The following XKR6 variants were observed in gnomAD, a reference collection of about 807,000 sequenced individuals.
XKR6 encodes XK-related protein 6.
In XKR6, 22 loss-of-function variants were observed where a neutral mutation model predicts 56.7. The observed-to-expected ratio is 0.39, with a 90% confidence interval of 0.28 to 0.55. The LOEUF is 0.55. XKR6 is among the 20% of genes least tolerant of loss of function. The pLI, the probability that XKR6 is intolerant of heterozygous loss-of-function variation, is 0.66. For synonymous variants in XKR6, 524 were observed against 387.8 expected (o/e 1.35, Z -4.13); for missense variants, 852 against 889.0 (o/e 0.96, Z 0.53).
At chr8:11,099,051 C>T (rs1455608517) in intron 1 of XKR6, among the ~76,000 whole-genome samples, 1 of 152,174 alleles carries the variant, frequency 6.6e-6, no homozygotes, top group Admixed American at 6.5e-5. Context: ...GCACCCTCAA[C>T]GCCCCACCAG....
intron 1 of XKR6, among the ~76,000 whole-genome samples, chr8:11,008,739 C>T (rs540818397): frequency 2.0e-5 from 3 of 152,020 alleles, no homozygotes; most frequent in Non-Finnish European, 4.4e-5. Flanking sequence ...AAGGGTTCAC[C>T]GGTGGACACA....
intron 2 of XKR6, among the ~76,000 whole-genome samples, chr8:10,910,237 C>T (rs976130630): frequency 1.3e-5 from 2 of 152,042 alleles, no homozygotes; most frequent in East Asian, 1.9e-4. Context: ...AATATAATCG[C>T]GCTGAGGTTG....
intron 1 of XKR6, among the ~76,000 whole-genome samples, chr8:11,194,209 C>G (rs1356631215): frequency 1.3e-5 from 2 of 152,116 alleles, no homozygotes; most frequent in Non-Finnish European, 2.9e-5. Flanking sequence ...GCATAATGAA[C>G]TTTTTTACAC....
chr8:10,972,658 G>C lies in XKR6; in HGVS notation c.765-47828C>G, dbSNP rs76657585. On this transcript the variant is annotated intron_variant, in intron 1 of 2. Coordinates refer to ENST00000416569, the MANE Select transcript of XKR6 (RefSeq NM_173683.4). ...TCCCACTTATGTGAGCTATTCAGAG[G>C]AGTCACATTCACAGACAAAGTAGAA... is the stretch of plus-strand genomic sequence containing the variant. Among the ~76,000 whole-genome samples, 6 of 152,306 alleles carry C rather than the reference G, an allele frequency of 3.9e-5. No individual in the cohort carries two copies. In the East Asian group the frequency reaches 1.2e-3, roughly 29 times the overall value.
chr8:10,985,874 G>A (rs962908164), intron 1 of XKR6, among the ~76,000 whole-genome samples: 2 of 152,150 alleles, frequency 1.3e-5, no homozygotes, highest in African/African-American at 4.8e-5. Flanking sequence ...CCAGAGCGCT[G>A]GGATTACAGG....
chr8:11,002,426 C>T (rs1050806663), intron 1 of XKR6: 7 of 409,848 alleles, frequency 1.7e-5, no homozygotes, highest in African/African-American at 1.3e-4. Flanking sequence ...CCGCGTGCAG[C>T]AGTACACAGT....
chr8:11,135,993 A>T (rs1359478082), intron 1 of XKR6, among the ~76,000 whole-genome samples: 1 of 152,232 alleles, frequency 6.6e-6, no homozygotes, highest in African/African-American at 2.4e-5. Flanking sequence ...TGTTTCAACA[A>T]TTCTAAGAGG....
intron 1 of XKR6, among the ~76,000 whole-genome samples, chr8:11,190,366 G>A (rs1003474476): frequency 4.6e-5 from 7 of 152,156 alleles, no homozygotes; most frequent in South Asian, 2.1e-4. Context: ...GGTCAACAGA[G>A]AACCAACATA....
At chr8:11,013,438 G>A (rs1414973027) in intron 1 of XKR6, among the ~76,000 whole-genome samples, 1 of 152,178 alleles carries the variant, frequency 6.6e-6, no homozygotes, top group East Asian at 1.9e-4. Context: ...ATGTTTATTT[G>A]AGATATGTGT....
At chr8:11,028,489 A>G (rs1270469880) in intron 1 of XKR6, among the ~76,000 whole-genome samples, 1 of 152,224 alleles carries the variant, frequency 6.6e-6, no homozygotes. Context: ...TGGATTGTAT[A>G]AGACTATGTT....
intron 1 of XKR6, chr8:11,066,725 G>A (rs1354032612): frequency 6.6e-6 from 1 of 152,180 alleles, no homozygotes; most frequent in Non-Finnish European, 1.5e-5. Flanking sequence ...CAATCATTGT[G>A]GCCATTTTCT....
intron 1 of XKR6, among the ~76,000 whole-genome samples, chr8:10,976,564 C>A (rs571307388): frequency 6.6e-6 from 1 of 152,294 alleles, no homozygotes; most frequent in African/African-American, 2.4e-5. Context: ...CACATGGTTA[C>A]CAGGTGTCTG....
chr8:10,975,175 A>C (rs1802516326), intron 1 of XKR6, among the ~76,000 whole-genome samples: 1 of 152,126 alleles, frequency 6.6e-6, no homozygotes. Flanking sequence ...TGCTGATAGC[A>C]ATGGGGAACC....
intron 1 of XKR6, among the ~76,000 whole-genome samples, chr8:10,989,321 CTG>C (rs1797935253): frequency 6.6e-6 from 1 of 152,202 alleles, no homozygotes; most frequent in South Asian, 2.1e-4. Context: ...GTTGAATTGT[CTG>C]TAAGAAAACA....
chr8:11,178,159 T>C (rs764276934), intron 1 of XKR6, among the ~76,000 whole-genome samples: 22 of 152,144 alleles, frequency 1.4e-4, no homozygotes, highest in Non-Finnish European at 2.8e-4. Flanking sequence ...TAATGAAAAC[T>C]ACTAAGCGTA....
intron 2 of XKR6, among the ~76,000 whole-genome samples, chr8:10,915,830 C>G (rs1022531081): frequency 1.3e-5 from 2 of 152,222 alleles, no homozygotes; most frequent in African/African-American, 4.8e-5. Context: ...AGCCCATGTT[C>G]TAGCGGGAGG....
At chr8:11,116,302 T>G (rs1237312301) in intron 1 of XKR6, among the ~76,000 whole-genome samples, 1 of 152,220 alleles carries the variant, frequency 6.6e-6, no homozygotes, top group African/African-American at 2.4e-5. Context: ...TGCTCATCTA[T>G]GTATCCCAAA....
At chr8:11,027,317 T>C (rs1458368306) in intron 1 of XKR6, among the ~76,000 whole-genome samples, 1 of 152,218 alleles carries the variant, frequency 6.6e-6, no homozygotes, top group Non-Finnish European at 1.5e-5. Flanking sequence ...ACTATGTATA[T>C]TGGGTTAAAT....
chr8:11,020,461 C>T lies in XKR6; in HGVS notation c.765-95631G>A, dbSNP rs117371173. Among the ~76,000 whole-genome samples, 125 of 152,312 alleles carry T rather than the reference C, an allele frequency of 8.2e-4. 1 individual carries two copies. In the East Asian group the frequency reaches 0.021, roughly 25 times the overall value. On this transcript the variant is annotated intron_variant, in intron 1 of 2. Transcript: ENST00000416569. ...AGTTCCTTGTGACCTCACCTGTAAA[C>T]GGTGCTGCTTCTCCCCGTCCTTCTT...
Sources: gnomAD v4.1 joint callset for allele counts (sites outside exome capture counted in the v4.1 genomes callset) on GRCh38, gnomAD v4.1.1 for gene constraint, MANE v1.5 for transcripts, NCBI Gene and HGNC (gene_info 2026-07-23, HGNC 2026-07-21) for gene names.